The following UVRAG variants were observed in gnomAD, a reference collection of about 807,000 sequenced individuals.
The protein encoded by UVRAG is UV radiation resistance-associated gene protein.
UVRAG carries 19 observed loss-of-function variants against 78.0 expected under a neutral mutation model. The ratio of observed to expected loss-of-function variants is 0.24; its 90% CI spans 0.17 to 0.36. The LOEUF is 0.36. Ranked by LOEUF, UVRAG falls within the 10% of genes least tolerant of loss-of-function variation. The pLI is 1.00. For missense variants in UVRAG, 740 were observed against 853.8 expected, an observed-to-expected ratio of 0.87 and a Z score of 1.66; for synonymous variants, 323 against 324.6, an observed-to-expected ratio of 1.00 and a Z score of 0.05.
At chr11:75,909,259 G>A (rs549913373) in intron 5 of UVRAG, among the ~76,000 whole-genome samples, 1 of 152,004 alleles carries the variant, frequency 6.6e-6, no homozygotes, top group South Asian at 2.1e-4. Flanking sequence ...AGGTGGGAGG[G>A]TCTCACGAAC....
intron 14 of UVRAG, among the ~76,000 whole-genome samples, chr11:76,122,474 G>A (rs1366030681): frequency 6.6e-6 from 1 of 152,204 alleles, no homozygotes; most frequent in Non-Finnish European, 1.5e-5. Context: ...GTACTTAATA[G>A]TGTGGTCAGA....
intron 1 of UVRAG, among the ~76,000 whole-genome samples, chr11:75,820,422 TC>T (rs1309117476): frequency 1.3e-5 from 2 of 151,602 alleles, no homozygotes; most frequent in Non-Finnish European, 2.9e-5. Context: ...TGGTGCGATC[TC>T]CGCTCACCGC....
chr11:75,877,020 G>A (rs1438203041), intron 3 of UVRAG, among the ~76,000 whole-genome samples: 18 of 150,980 alleles, frequency 1.2e-4, no homozygotes, highest in African/African-American at 3.7e-4. Flanking sequence ...TGTGTCCCTG[G>A]GTACTTGAGA....
chr11:76,064,303 T>C (rs1020649179), intron 12 of UVRAG, among the ~76,000 whole-genome samples: 1 of 152,216 alleles, frequency 6.6e-6, no homozygotes, highest in Non-Finnish European at 1.5e-5. Flanking sequence ...AGGACCGTAG[T>C]AGATTTTCTC....
In UVRAG at chr11:76,089,654, A is replaced by G. The variant is rs114224154; in HGVS notation, c.1305+23866A>G. Among the ~76,000 whole-genome samples the G allele has an allele frequency of 6.0e-3, 916 of 152,326 alleles. 6 individuals carry two copies. Among genetic ancestry groups the G allele is most frequent in the African/African-American group, 0.021 (881 of 41,560 alleles). On this transcript the variant is annotated intron_variant, in intron 13 of 14. Transcript: ENST00000356136. ...AAGAGTCAAATAGATCCTTAAGGCT[A>G]ATTGTGAGAAACAGTATTTCTGCTT...
At chr11:76,031,727 G>T (rs942893490) in intron 12 of UVRAG, among the ~76,000 whole-genome samples, 2 of 152,166 alleles carry the variant, frequency 1.3e-5, no homozygotes, top group African/African-American at 4.8e-5. Context: ...GGGCTGGGGG[G>T]ACTGGACAGA....
chr11:75,990,906 A>T (rs552122322), intron 8 of UVRAG, among the ~76,000 whole-genome samples: 8 of 152,312 alleles, frequency 5.3e-5, no homozygotes, highest in Admixed American at 2.0e-4. Flanking sequence ...TAGAATAAAT[A>T]TTTGTTGAAT....
chr11:76,062,364 G>T (rs1426836138), intron 12 of UVRAG, among the ~76,000 whole-genome samples: 2 of 152,200 alleles, frequency 1.3e-5, no homozygotes, highest in Non-Finnish European at 2.9e-5. Context: ...CATGTGCATT[G>T]TTTGTGTTTG....
intron 6 of UVRAG, among the ~76,000 whole-genome samples, chr11:75,913,610 C>A (rs543813785): frequency 6.6e-6 from 1 of 152,262 alleles, no homozygotes; most frequent in Admixed American, 6.5e-5. Context: ...TGATAGATAG[C>A]CCTTGTCTTG....
chr11:76,022,874 A>G (rs577916902), intron 12 of UVRAG, among the ~76,000 whole-genome samples: 85 of 151,784 alleles, frequency 5.6e-4, no homozygotes, highest in African/African-American at 1.8e-3. Context: ...TGCTTAGTTG[A>G]TATTTTTTGA....
chr11:75,931,680 A>G (rs541993821), intron 6 of UVRAG, among the ~76,000 whole-genome samples: 29 of 152,296 alleles, frequency 1.9e-4, no homozygotes, highest in African/African-American at 7.0e-4. Flanking sequence ...AAAACATGAA[A>G]CAATGTATTT....
At chr11:75,943,433 TTCC>T (rs1269640509) in intron 6 of UVRAG, among the ~76,000 whole-genome samples, 2 of 152,102 alleles carry the variant, frequency 1.3e-5, no homozygotes, top group African/African-American at 4.8e-5. Context: ...TTCTGTATAC[TTCC>T]TCAAGTGTGT....
At chr11:75,943,226 G>T (rs939084916) in intron 6 of UVRAG, among the ~76,000 whole-genome samples, 1 of 151,148 alleles carries the variant, frequency 6.6e-6, no homozygotes, top group East Asian at 1.9e-4. Flanking sequence ...TGTAGTTATC[G>T]ATCTATTCAG....
At chr11:76,101,082 G>A (rs1951872922) in intron 13 of UVRAG, among the ~76,000 whole-genome samples, 1 of 150,184 alleles carries the variant, frequency 6.7e-6, no homozygotes. Flanking sequence ...ACGTGCATAT[G>A]TCTTTATGAT....
At chr11:75,949,461 C>A (rs1394944024) in intron 6 of UVRAG, among the ~76,000 whole-genome samples, 1 of 151,950 alleles carries the variant, frequency 6.6e-6, no homozygotes, top group Non-Finnish European at 1.5e-5. Context: ...TATCTCTGGC[C>A]AAGATCTGTC....
intron 1 of UVRAG, among the ~76,000 whole-genome samples, chr11:75,829,659 A>T (rs1945610548): frequency 6.6e-6 from 1 of 152,230 alleles, no homozygotes; most frequent in African/African-American, 2.4e-5. Context: ...GAAGGACCAG[A>T]TAGTGAACAT....
chr11:75,854,777 A>G (rs1946249232), intron 2 of UVRAG, among the ~76,000 whole-genome samples: 1 of 152,224 alleles, frequency 6.6e-6, no homozygotes, highest in Non-Finnish European at 1.5e-5. Context: ...TGTGTCCAGA[A>G]AGAAAATGAA....
At chr11:75,884,928 G>C (rs554707298) in intron 4 of UVRAG, among the ~76,000 whole-genome samples, 17 of 151,888 alleles carry the variant, frequency 1.1e-4, no homozygotes, top group African/African-American at 4.1e-4. Flanking sequence ...AAAAATCCTG[G>C]GATTTTGATA....
chr11:75,889,446 T>G (rs1249209825), intron 5 of UVRAG, among the ~76,000 whole-genome samples: 1 of 152,208 alleles, frequency 6.6e-6, no homozygotes, highest in East Asian at 1.9e-4. Flanking sequence ...TGTTTTGTCC[T>G]CTCCATTTTA....
Sources: gnomAD v4.1 joint callset for allele counts (sites outside exome capture counted in the v4.1 genomes callset) on GRCh38, gnomAD v4.1.1 for gene constraint, MANE v1.5 for transcripts, NCBI Gene and HGNC (gene_info 2026-07-23, HGNC 2026-07-21) for gene names.